Variants in REDIC1 observed in about 807,000 individuals in gnomAD.
REDIC1 encodes the protein regulator of DNA class I crossover intermediates 1.
At chr12:39,712,835 A>G in the REDIC1 span, among the ~76,000 whole-genome samples, 2 of 116,594 alleles carry the variant, frequency 1.7e-5, no homozygotes, top group East Asian at 4.7e-4. Context: ...ATGTATATAC[A>G]TATACACGTA....
chr12:39,672,190 T>C, the REDIC1 span, among the ~76,000 whole-genome samples: 1 of 152,102 alleles, frequency 6.6e-6, no homozygotes, highest in East Asian at 1.9e-4. Flanking sequence ...GCCTCAAGCA[T>C]CATGCTTGGA....
the REDIC1 span, chr12:39,643,743 A>G: frequency 7.2e-7 from 1 of 1,387,960 alleles, no homozygotes; most frequent in Non-Finnish European, 9.9e-7. Context: ...AAAACCGCAT[A>G]TTTGCTGCAT....
At chr12:39,672,651 C>G in the REDIC1 span, among the ~76,000 whole-genome samples, 1 of 152,126 alleles carries the variant, frequency 6.6e-6, no homozygotes, top group Non-Finnish European at 1.5e-5. Flanking sequence ...CAGGGGCAGT[C>G]TTCCTGGTGT....
chr12:39,780,209 C>G, the REDIC1 span, among the ~76,000 whole-genome samples: 1 of 151,798 alleles, frequency 6.6e-6, no homozygotes, highest in Non-Finnish European at 1.5e-5. Flanking sequence ...GCATATAAGT[C>G]TTTTTTAAAT....
chr12:39,739,353 C>T, the REDIC1 span, among the ~76,000 whole-genome samples: 1 of 152,146 alleles, frequency 6.6e-6, no homozygotes, highest in Admixed American at 6.6e-5. Context: ...AGGATTCATT[C>T]CTTTGTTCAT....
chr12:39,691,178 G>A, the REDIC1 span, among the ~76,000 whole-genome samples: 7 of 152,064 alleles, frequency 4.6e-5, no homozygotes, highest in South Asian at 2.1e-4. Flanking sequence ...AGTAGTTTAC[G>A]TTACTTCTGC....
chr12:39,712,877 GTATATACA>G, the REDIC1 span, among the ~76,000 whole-genome samples: 3 of 71,950 alleles, frequency 4.2e-5, no homozygotes, highest in Admixed American at 1.5e-4. Context: ...GTATATACAC[GTATATACA>G]TATATGCATA....
chr12:39,731,113 C>T, the REDIC1 span, among the ~76,000 whole-genome samples: 6 of 152,226 alleles, frequency 3.9e-5, no homozygotes, highest in South Asian at 2.1e-4. Flanking sequence ...GTCTTTAGCT[C>T]GGAGGAGTTT....
chr12:39,891,740 G>C, the REDIC1 span, among the ~76,000 whole-genome samples: 66,302 of 151,954 alleles, frequency 0.44, 15,014 homozygotes, highest in Middle Eastern at 0.53. Flanking sequence ...ACAGGAATAG[G>C]CTCAGATCAG....
At chr12:39,661,768 A>G in the REDIC1 span, among the ~76,000 whole-genome samples, 1 of 151,798 alleles carries the variant, frequency 6.6e-6, no homozygotes, top group Non-Finnish European at 1.5e-5. Flanking sequence ...TTTTCTTCTA[A>G]TAGTTTTATT....
the REDIC1 span, among the ~76,000 whole-genome samples, chr12:39,712,291 T>G: frequency 8.8e-6 from 1 of 113,320 alleles, no homozygotes; most frequent in Non-Finnish European, 1.9e-5. Context: ...TATACCTGTA[T>G]GTATATATAC....
the REDIC1 span, among the ~76,000 whole-genome samples, chr12:39,698,465 C>T: frequency 6.6e-6 from 1 of 152,246 alleles, no homozygotes; most frequent in African/African-American, 2.4e-5. Context: ...GATGAAAAAC[C>T]AGACTTCATC....
chr12:39,713,890 C>T, the REDIC1 span, among the ~76,000 whole-genome samples: 1 of 147,760 alleles, frequency 6.8e-6, no homozygotes, highest in Non-Finnish European at 1.5e-5. Flanking sequence ...CGTATATACA[C>T]TTATACGTAT....
chr12:39,902,752 T>C, the REDIC1 span, among the ~76,000 whole-genome samples: 1 of 152,090 alleles, frequency 6.6e-6, no homozygotes, highest in Non-Finnish European at 1.5e-5. Flanking sequence ...AAAGATATAA[T>C]GGGATTTAAA....
chr12:39,748,613 T>C, the REDIC1 span, among the ~76,000 whole-genome samples: 5 of 152,192 alleles, frequency 3.3e-5, no homozygotes, highest in African/African-American at 4.8e-5. Context: ...CAACACAATA[T>C]ACATTCTTCT....
the REDIC1 span, among the ~76,000 whole-genome samples, chr12:39,788,083 A>G: frequency 6.6e-6 from 1 of 152,134 alleles, no homozygotes; most frequent in African/African-American, 2.4e-5. Flanking sequence ...GGGTATATAA[A>G]CAAAAATTAT....
the REDIC1 span, among the ~76,000 whole-genome samples, chr12:39,864,170 T>C: frequency 6.6e-6 from 1 of 152,234 alleles, no homozygotes; most frequent in East Asian, 1.9e-4. Flanking sequence ...GATCTATTTA[T>C]CACATAGTGT....
At chr12:39,888,339 C>G in the REDIC1 span, among the ~76,000 whole-genome samples, 591 of 152,320 alleles carry the variant, frequency 3.9e-3, 2 homozygotes, top group Non-Finnish European at 6.6e-3. Flanking sequence ...ATTCTCCTGT[C>G]TCAGCTTCCC....
chr12:39,726,816 C>T, the REDIC1 span, among the ~76,000 whole-genome samples: 1 of 152,232 alleles, frequency 6.6e-6, no homozygotes, highest in East Asian at 1.9e-4. Context: ...CATATCCTCT[C>T]CAGCATCTGT....
Sources: gnomAD v4.1 joint callset for allele counts (sites outside exome capture counted in the v4.1 genomes callset) on GRCh38, gnomAD v4.1.1 for gene constraint, MANE v1.5 for transcripts, NCBI Gene and HGNC (gene_info 2026-07-23, HGNC 2026-07-21) for gene names.